DNAI7: variants seen among roughly 807,000 people sequenced by gnomAD.
The protein encoded by DNAI7 is dynein axonemal intermediate chain 7, also known as cancer susceptibility 1.
DNAI7 carries 78 observed loss-of-function variants against 86.6 expected under a neutral mutation model. The observed-to-expected ratio is 0.90, with a 90% CI of 0.75 to 1.09. DNAI7 has a LOEUF of 1.09. Among genes scored for constraint, DNAI7 ranks in the 50% least tolerant of loss-of-function variants. The probability of loss-of-function intolerance (pLI) is 0.00; values close to 1 mark genes in which losing one functional copy is unlikely to be tolerated. For synonymous variants in DNAI7, 274 were observed against 273.0 expected, an observed-to-expected ratio of 1.00 and a Z score of -0.04; for missense variants, 753 against 810.2, an observed-to-expected ratio of 0.93 and a Z score of 0.86.
downstream of DNAI7, chr12:25,107,764 G>T: frequency 6.4e-7 from 1 of 1,568,160 alleles, no homozygotes; most frequent in Admixed American, 1.7e-5. Flanking sequence ...CAAAAGGAAT[G>T]TTTCTAATGA....
chr12:25,166,235 A>C (rs188043902), intron 2 of DNAI7, among the ~76,000 whole-genome samples: 2 of 152,036 alleles, frequency 1.3e-5, no homozygotes, highest in Middle Eastern at 3.4e-3. Flanking sequence ...ACAATTCCCC[A>C]ATTTTACCTG....
At chr12:25,144,728 G>C in intron 8 of DNAI7, 51 bp from the exon 9 acceptor site, 1 of 1,385,848 alleles carries the variant, frequency 7.2e-7, no homozygotes, top group South Asian at 1.3e-5. Context: ...GGAAACTCTA[G>C]ATCTGTGTCA....
chr12:25,125,231 C>T (rs1297393972), intron 9 of DNAI7, among the ~76,000 whole-genome samples: 1 of 152,174 alleles, frequency 6.6e-6, no homozygotes, highest in Admixed American at 6.5e-5. Context: ...TTTACACTCC[C>T]ACCAACAGTG....
chr12:25,122,491 G>T (rs1012219265), intron 10 of DNAI7, among the ~76,000 whole-genome samples: 14 of 142,270 alleles, frequency 9.8e-5, no homozygotes, highest in African/African-American at 2.9e-4. Context: ...GAAGAAGAAA[G>T]AAAAAGTGAA....
chr12:25,164,316 C>T (rs1386808873), intron 2 of DNAI7, among the ~76,000 whole-genome samples: 1 of 152,060 alleles, frequency 6.6e-6, no homozygotes, highest in African/African-American at 2.4e-5. Flanking sequence ...TACCCCTTCT[C>T]CACTTTTCTG....
intron 2 of DNAI7, among the ~76,000 whole-genome samples, chr12:25,188,660 C>A (rs1950244970): frequency 1.7e-5 from 2 of 115,396 alleles, no homozygotes; most frequent in Admixed American, 1.1e-4. Context: ...GGCAACAGAG[C>A]AAGACTCTGT....
chr12:25,126,977 C>T (rs1942220115), intron 9 of DNAI7, among the ~76,000 whole-genome samples: 1 of 152,158 alleles, frequency 6.6e-6, no homozygotes, highest in Non-Finnish European at 1.5e-5. Context: ...CCTCAGCATG[C>T]AACAACAGGA....
chr12:25,164,211 G>A (rs1947162322), intron 2 of DNAI7, among the ~76,000 whole-genome samples: 1 of 148,910 alleles, frequency 6.7e-6, no homozygotes, highest in Non-Finnish European at 1.5e-5. Context: ...CTTTTCTGCG[G>A]GGCAAGAAAC....
intron 9 of DNAI7, among the ~76,000 whole-genome samples, chr12:25,135,858 A>G (rs1484547752): frequency 6.7e-6 from 1 of 149,508 alleles, no homozygotes; most frequent in Non-Finnish European, 1.5e-5. Context: ...ACCCCCGCCC[A>G]AGGAGAGTCA....
In DNAI7 at chr12:25,147,013, T is replaced by C. The variant is rs557069537; in HGVS notation, c.677A>G (p.Lys226Arg). 52 of 1,573,622 alleles carry C rather than the reference T, an allele frequency of 3.3e-5. No homozygotes were observed. In the South Asian group the frequency reaches 5.5e-4, roughly 17 times the overall value. ...CCCACAAGGGTACCTTGGATTCTTC[T>C]TGAGGTTTGCCCACACATACAGAGT... ...NVTLYVWANLKKNPRHRSVRF... is the reference protein window; with the variant it reads ...NVTLYVWANLRKNPRHRSVRF... The change falls in exon 8 of 16, where the codon AAG becomes AGG. Residue 226 changes from lysine (K) to arginine (R), a missense_variant. Physicochemically the swap from Lys to Arg is conservative, Grantham distance 26. Transcript: ENST00000395987.
At chr12:25,181,366 G>A (rs1464925503) in intron 2 of DNAI7, among the ~76,000 whole-genome samples, 1 of 151,990 alleles carries the variant, frequency 6.6e-6, no homozygotes, top group Non-Finnish European at 1.5e-5. Context: ...CAATCCTTCT[G>A]CTTCAGCCTC....
chr12:25,145,687 G>A (rs1014147383), intron 8 of DNAI7, among the ~76,000 whole-genome samples: 1 of 151,648 alleles, frequency 6.6e-6, no homozygotes, highest in African/African-American at 2.4e-5. Context: ...TTTTTTAAAT[G>A]TCACATAGCT....
At chr12:25,135,158 G>T (rs531627179) in intron 9 of DNAI7, among the ~76,000 whole-genome samples, 25 of 152,348 alleles carry the variant, frequency 1.6e-4, no homozygotes, top group African/African-American at 6.0e-4. Context: ...AGTGTCCAAA[G>T]TGTGAGGGGG....
At chr12:25,138,013 AC>A (rs962765661) in intron 9 of DNAI7, among the ~76,000 whole-genome samples, 2 of 152,092 alleles carry the variant, frequency 1.3e-5, no homozygotes, top group Non-Finnish European at 2.9e-5. Context: ...AAAAAAAAAA[AC>A]AAAACAAAAC....
intron 2 of DNAI7, among the ~76,000 whole-genome samples, chr12:25,176,709 C>T (rs1948991425): frequency 6.6e-6 from 1 of 151,860 alleles, no homozygotes. Flanking sequence ...ATAAAAATTA[C>T]CCCTACAGAT....
At chr12:25,174,407 G>GAT (rs1379019332) in intron 2 of DNAI7, among the ~76,000 whole-genome samples, 1 of 286 alleles carries the variant, frequency 3.5e-3, no homozygotes, top group African/African-American at 5.2e-3. Flanking sequence ...ATATATATGG[G>GAT]ATATATGGGA....
rs747620287 is a variant in DNAI7, at chr12:25,108,536, T to C, written c.*12A>G. On this transcript the variant is annotated 3_prime_UTR_variant, in exon 16 of 16. Coordinates refer to ENST00000395987, the MANE Select transcript of DNAI7 (RefSeq NM_018272.5). ...GGTTCTTCATACTTACAATACAGTT[T>C]GTAAGTGGAGGTTAGGAGTAGCTGA... 2.5e-6 allele frequency: 4 copies of C among 1,606,536 alleles called. No individual in the cohort carries two copies. Among genetic ancestry groups the C allele is most frequent in the Non-Finnish European group, 3.4e-6 (4 of 1,175,200 alleles).
Position 25,147,002 on chromosome 12 carries a change from T to C in DNAI7, c.688A>G (p.Arg230Gly), listed in dbSNP as rs1442808441. 4 of 1,528,214 alleles carry C rather than the reference T, an allele frequency of 2.6e-6. No individual in the cohort carries two copies. Among genetic ancestry groups the C allele is most frequent in the South Asian group, 1.1e-5 (1 of 88,926 alleles). 94.7% of individuals were successfully genotyped at this position (1,528,214 alleles called of 1,614,324 possible). Residue 230 changes from arginine (R) to glycine (G), a missense_variant and splice_region_variant, in exon 8 of 16, where the codon AGG (arginine) becomes GGG (glycine). Arg to Gly is a moderately radical substitution (Grantham distance 125, BLOSUM62 -2). Transcript: ENST00000395987. ...YVWANLKKNP[R>G]HRSVRFSETQ... ...GGAAAGTATTGCCCACAAGGGTACC[T>C]TGGATTCTTCTTGAGGTTTGCCCAC...
In DNAI7 at chr12:25,156,655, C is replaced by T. The variant is rs117613856; in HGVS notation, c.199-1243G>A. Among the ~76,000 whole-genome samples, 1,309 of 151,336 alleles carry T rather than the reference C, an allele frequency of 8.6e-3. 6 individuals carry two copies. The highest frequency in any genetic ancestry group is 0.014 in the Non-Finnish European group (980 of 67,766). On this transcript the variant is annotated intron_variant, in intron 4 of 15. Coordinates refer to ENST00000395987, the MANE Select transcript of DNAI7 (RefSeq NM_018272.5). ...ACTCGGGAGGCTAAGGCAGGAGAAT[C>T]GCCTGAACCTGGGACGTGGAGGTTG...
Sources: allele counts gnomAD v4.1 joint callset (sites outside exome capture counted in the v4.1 genomes callset), GRCh38; gene constraint gnomAD v4.1.1; transcripts MANE v1.5; gene names NCBI Gene and HGNC (gene_info 2026-07-23, HGNC 2026-07-21).